ASXL2: variants seen among roughly 807,000 people sequenced by gnomAD.
ASXL2 encodes putative Polycomb group protein ASXL2.
ASXL2 carries 23 observed loss-of-function variants against 122.0 expected under a neutral mutation model. The ratio of observed to expected loss-of-function variants is 0.19; its 90% CI spans 0.14 to 0.27. The LOEUF (loss-of-function observed/expected upper bound fraction) is 0.27, where lower values mean the gene tolerates loss of function less well. ASXL2 is among the 10% of genes least tolerant of loss of function. The probability of loss-of-function intolerance (pLI) is 1.00; values close to 1 mark genes in which losing one functional copy is unlikely to be tolerated. For missense variants in ASXL2, 1,518 were observed against 1,713.8 expected (o/e 0.89, Z 2.02); for synonymous variants, 650 against 637.0 (o/e 1.02, Z -0.31).
intron 5 of ASXL2, among the ~76,000 whole-genome samples, chr2:25,785,590 T>A (rs576521687): frequency 4.7e-4 from 72 of 152,194 alleles, no homozygotes; most frequent in African/African-American, 1.7e-3. Flanking sequence ...TTCCGTCCCC[T>A]GGCTGGAGTG....
intron 3 of ASXL2, among the ~76,000 whole-genome samples, chr2:25,821,174 C>T (rs769968214): frequency 1.3e-5 from 2 of 151,752 alleles, no homozygotes; most frequent in Non-Finnish European, 2.9e-5. Flanking sequence ...AGCAAGACTC[C>T]GTCTCAAAAA....
rs1411983226 is a variant in ASXL2, at chr2:25,749,862, C to A, written c.1694G>T (p.Ser565Ile). 6.2e-7 allele frequency: 1 copy of A among 1,610,184 alleles called. No individual in the cohort carries two copies. ...GGTGAGGGAAGACTTCCTCTTGAGG[C>A]TTTCTGGGCTCTGATCAACAAGAGT... is the stretch of plus-strand genomic sequence containing the variant. ...LATLVDQSPE[S>I]LKRKSSLTQE... Residue 565 changes from serine (S) to isoleucine (I), a missense_variant, in exon 12 of 13, where the codon AGC becomes ATC. This residue lies in a region of ASXL2 where 292 missense variants were observed against 293.5 expected (regional missense o/e 1.00). Coordinates refer to ENST00000435504, the MANE Select transcript of ASXL2 (RefSeq NM_018263.6).
In ASXL2 at chr2:25,742,274, C is replaced by T. The variant is rs757071976; in HGVS notation, c.4063G>A (p.Gly1355Ser). Residue 1355 changes from glycine (G) to serine (S), a missense_variant, in exon 13 of 13, where the codon GGT becomes AGT. By Grantham distance (56) the Gly-to-Ser change is moderately conservative. Coordinates refer to ENST00000435504, the MANE Select transcript of ASXL2 (RefSeq NM_018263.6). ...VPGSQVSSNV[G>S]DVMSFSVTVT... ...GTCACTGAAAATGACATGACATCAC[C>T]TACATTGCTAGATACCTGGCTACCT... The T allele has an allele frequency of 1.9e-6, 3 of 1,613,868 alleles. No individual in the cohort carries two copies. The highest frequency in any genetic ancestry group is 1.3e-5 in the African/African-American group (1 of 74,924).
rs757065305 is a variant in ASXL2 at position 25,771,528 on chromosome 2, G to A, written c.416C>T (p.Ser139Phe). Reference protein sequence around the residue: ...SRWKRKVSSSSPQSGCPSPTI... With the variant: ...SRWKRKVSSSFPQSGCPSPTI... ...GGGTGATGGGCAGCCTGACTGCGGG[G>A]AGGACGACGATACTAGGGAAAAAAA... Residue 139 changes from serine (S) to phenylalanine (F), a missense_variant, in exon 6 of 13, where the codon TCC becomes TTC. Coordinates refer to ENST00000435504, the MANE Select transcript of ASXL2 (RefSeq NM_018263.6). 6.2e-7 allele frequency: 1 copy of A among 1,611,018 alleles called. No individual in the cohort carries two copies. The highest frequency in any genetic ancestry group is 8.5e-7 in the Non-Finnish European group (1 of 1,178,766).
rs77666550 is a variant in ASXL2 at position 25,829,383 on chromosome 2, T to C, written c.143+6155A>G. 7.7e-3 allele frequency among the ~76,000 whole-genome samples: 1,177 copies of C among 152,202 alleles called. 6 individuals carry two copies. The highest frequency in any genetic ancestry group is 0.014 in the Non-Finnish European group (936 of 68,002). On this transcript the variant is annotated intron_variant, in intron 3 of 12. Coordinates refer to ENST00000435504, the MANE Select transcript of ASXL2 (RefSeq NM_018263.6). ...AAAATACTTATGAATGAATATAAAC[T>C]ATGGGCATGGTTCTGAAAGAACTCA... is the stretch of plus-strand genomic sequence containing the variant.
intron 12 of ASXL2, 75 bp downstream of exon 12, chr2:25,749,621 T>G: frequency 6.7e-5 from 81 of 1,202,010 alleles, no homozygotes; most frequent in Non-Finnish European, 8.3e-5. Flanking sequence ...ACAATTTACT[T>G]GAAATTTAGT....
intron 1 of ASXL2, among the ~76,000 whole-genome samples, chr2:25,846,765 G>C (rs530361495): frequency 3.3e-5 from 5 of 152,220 alleles, no homozygotes; most frequent in African/African-American, 4.8e-5. Flanking sequence ...GCAGTAAGCC[G>C]AGATTGTGCC....
At position 25,743,638 on chromosome 2, in the gene ASXL2, G is replaced by A; in HGVS notation, c.2699C>T (p.Pro900Leu). Residue 900 changes from proline to leucine, a missense_variant, in exon 13 of 13, where the codon CCT (proline) becomes CTT (leucine). This residue lies in a region of ASXL2 where 831 missense variants were observed against 833.1 expected (regional missense o/e 1.00). Coordinates refer to ENST00000435504, the MANE Select transcript of ASXL2 (RefSeq NM_018263.6). ...LLTTATLEKLPVPQVSATTAP... is the reference protein window; with the variant it reads ...LLTTATLEKLLVPQVSATTAP... ...TGTAGTTGCACTGACCTGGGGTACA[G>A]GAAGCTTTTCTAAAGTGGCTGTGGT... 2 of 1,614,038 alleles carry A rather than the reference G, an allele frequency of 1.2e-6. No homozygotes were observed. The highest frequency in any genetic ancestry group is 1.7e-6 in the Non-Finnish European group (2 of 1,179,902).
At chr2:25,842,830 T>C (rs1216631850) in intron 2 of ASXL2, among the ~76,000 whole-genome samples, 1 of 151,444 alleles carries the variant, frequency 6.6e-6, no homozygotes, top group East Asian at 2.0e-4. Flanking sequence ...TGTTTGTTTG[T>C]TTGTTTTTTG....
rs571516766 is a variant in ASXL2, at chr2:25,857,161, AAGCCATGTGGTG to A, written c.58-11610_58-11599del. Reference sequence around the variant, plus strand: ...AACAAGGCTCTTTCCAATATGTGGTAAGCCATGTGGTGAGCCATGTGGTGAGCCATGGAGTTC... The same window carrying A: ...AACAAGGCTCTTTCCAATATGTGGTAAGCCATGTGGTGAGCCATGGAGTTC... On this transcript the variant is annotated intron_variant, in intron 1 of 12. Transcript: ENST00000435504. Among the ~76,000 whole-genome samples, 77 of 151,108 alleles carry A rather than the reference AAGCCATGTGGTG, an allele frequency of 5.1e-4. 1 individual carries two copies. In the South Asian group the frequency reaches 0.01, roughly 21 times the overall value.
chr2:25,819,924 T>C (rs539914034), intron 3 of ASXL2, among the ~76,000 whole-genome samples: 1 of 152,288 alleles, frequency 6.6e-6, no homozygotes, highest in South Asian at 2.1e-4. Flanking sequence ...TATTTATTTA[T>C]TTTTAGACAG....
rs186630033 is a variant in ASXL2 at position 25,741,625 on chromosome 2, T to G, written c.*404A>C. On this transcript the variant is annotated 3_prime_UTR_variant, in exon 13 of 13. Coordinates refer to ENST00000435504, the MANE Select transcript of ASXL2 (RefSeq NM_018263.6). Reference sequence around the variant, plus strand: ...ATTCCTTCACTTTCCTTTTCCTAGCTTCCTAGGAAATGTCAGAAGGGAGAC... The same window carrying G: ...ATTCCTTCACTTTCCTTTTCCTAGCGTCCTAGGAAATGTCAGAAGGGAGAC... 241 of 251,848 alleles carry G rather than the reference T, an allele frequency of 9.6e-4. No individual in the cohort carries two copies. The highest frequency in any genetic ancestry group is 4.8e-3 in the African/African-American group (219 of 45,804). 15.6% of individuals were successfully genotyped at this position (251,848 alleles called of 1,614,324 possible).
intron 1 of ASXL2, among the ~76,000 whole-genome samples, chr2:25,851,426 T>C (rs148057507): frequency 0.012 from 1,866 of 152,320 alleles, 14 homozygotes; most frequent in Non-Finnish European, 0.019. Flanking sequence ...TAATTTACAT[T>C]AAATATATTG....
At chr2:25,789,657 A>G (rs1306616472) in intron 5 of ASXL2, among the ~76,000 whole-genome samples, 2 of 152,186 alleles carry the variant, frequency 1.3e-5, no homozygotes, top group East Asian at 3.8e-4. Context: ...TTGAGTGCCA[A>G]CACGATGCTC....
chr2:25,829,112 G>A (rs2089417257), intron 3 of ASXL2, among the ~76,000 whole-genome samples: 1 of 152,104 alleles, frequency 6.6e-6, no homozygotes, highest in Non-Finnish European at 1.5e-5. Context: ...GAAATAAAAA[G>A]TAGGCCAGAT....
At chr2:25,779,262 A>T (rs1025287355) in intron 5 of ASXL2, among the ~76,000 whole-genome samples, 1 of 150,896 alleles carries the variant, frequency 6.6e-6, no homozygotes, top group African/African-American at 2.4e-5. Flanking sequence ...ATGCCTACCT[A>T]ATTTTTTGTA....
chr2:25,814,091 CATA>C (rs1454513134), intron 3 of ASXL2, among the ~76,000 whole-genome samples: 1 of 152,080 alleles, frequency 6.6e-6, no homozygotes, highest in African/African-American at 2.4e-5. Context: ...TACAAACTGC[CATA>C]ATATTTTCCT....
intron 3 of ASXL2, among the ~76,000 whole-genome samples, chr2:25,811,340 C>T (rs1032588803): frequency 1.3e-5 from 2 of 151,188 alleles, no homozygotes; most frequent in East Asian, 3.9e-4. Context: ...GAGAAAAACC[C>T]AAAAACCACC....
intron 1 of ASXL2, among the ~76,000 whole-genome samples, chr2:25,870,491 T>C (rs1037506234): frequency 1.6e-4 from 24 of 152,216 alleles, no homozygotes; most frequent in African/African-American, 5.5e-4. Context: ...GCCACTGCAG[T>C]CTGTCGCCAG....
Sources: gnomAD v4.1 joint callset for allele counts (sites outside exome capture counted in the v4.1 genomes callset) on GRCh38, gnomAD v4.1.1 for gene constraint, gnomAD v4.1.1 regional missense constraint, MANE v1.5 for transcripts, NCBI Gene and HGNC (gene_info 2026-07-23, HGNC 2026-07-21) for gene names.